Variants in GPC6 observed in about 807,000 individuals in gnomAD.
GPC6 encodes the protein glypican 6, also known as glypican-6.
In GPC6, 14 loss-of-function variants were observed where a neutral mutation model predicts 55.2. The observed-to-expected ratio is 0.25, with a 90% CI of 0.17 to 0.40. The LOEUF is 0.40. GPC6 is among the 10% of genes least tolerant of loss of function. GPC6 has a pLI of 1.00. For missense variants in GPC6, 641 were observed against 708.5 expected (o/e 0.90, Z 1.08); for synonymous variants, 278 against 259.6 (o/e 1.07, Z -0.68).
chr13:94,282,579 G>A (rs1408726269), intron 4 of GPC6, among the ~76,000 whole-genome samples: 5 of 152,162 alleles, frequency 3.3e-5, no homozygotes, highest in Non-Finnish European at 5.9e-5. Flanking sequence ...TCAACTAGTC[G>A]ATTCTTCTGC....
intron 3 of GPC6, among the ~76,000 whole-genome samples, chr13:93,876,868 G>A (rs1874622255): frequency 6.6e-6 from 1 of 152,040 alleles, no homozygotes; most frequent in Non-Finnish European, 1.5e-5. Context: ...TCCTGGGTAT[G>A]TTGCACAGGC....
intron 1 of GPC6, among the ~76,000 whole-genome samples, chr13:93,320,633 T>TTATA (rs557134151): frequency 4.1e-4 from 62 of 149,628 alleles, no homozygotes; most frequent in African/African-American, 1.4e-3. Context: ...AGTGTATATA[T>TTATA]TATATATATA....
chr13:94,081,863 C>T, intron 4 of GPC6, among the ~76,000 whole-genome samples: 1 of 97,898 alleles, frequency 1.0e-5, no homozygotes. Context: ...TTTTTTGAGA[C>T]ACAGTCCCCC....
chr13:93,781,713 A>G (rs1885658071), intron 2 of GPC6, among the ~76,000 whole-genome samples: 1 of 152,206 alleles, frequency 6.6e-6, no homozygotes, highest in African/African-American at 2.4e-5. Context: ...GTAGCACACA[A>G]AAGTCAGGGC....
intron 1 of GPC6, among the ~76,000 whole-genome samples, chr13:93,458,005 C>T (rs1263681522): frequency 6.6e-6 from 1 of 152,124 alleles, no homozygotes; most frequent in African/African-American, 2.4e-5. Context: ...ATGGAAGGTG[C>T]ATCTTTATGA....
chr13:93,562,195 C>G (rs943772935), intron 2 of GPC6, among the ~76,000 whole-genome samples: 1 of 151,876 alleles, frequency 6.6e-6, no homozygotes, highest in Non-Finnish European at 1.5e-5. Flanking sequence ...TATTTAGTGC[C>G]GTTACCAGAC....
intron 4 of GPC6, among the ~76,000 whole-genome samples, chr13:94,253,177 T>C (rs2139040321): frequency 6.6e-6 from 1 of 152,234 alleles, no homozygotes; most frequent in East Asian, 1.9e-4. Flanking sequence ...TATAATCTCT[T>C]CCACACTTAC....
At chr13:94,108,562 CA>C (rs1226718955) in intron 4 of GPC6, among the ~76,000 whole-genome samples, 2 of 152,080 alleles carry the variant, frequency 1.3e-5, no homozygotes, top group Non-Finnish European at 2.9e-5. Flanking sequence ...CATTAGGTAC[CA>C]GGTGCAGTGG....
chr13:94,338,751 G>C (rs950200526), intron 6 of GPC6, among the ~76,000 whole-genome samples: 1 of 152,170 alleles, frequency 6.6e-6, no homozygotes, highest in Non-Finnish European at 1.5e-5. Flanking sequence ...AATTTTAGAA[G>C]TCTGTAGTAA....
At chr13:93,902,458 G>C in intron 3 of GPC6, among the ~76,000 whole-genome samples, 1 of 152,134 alleles carries the variant, frequency 6.6e-6, no homozygotes, top group Middle Eastern at 3.4e-3. Context: ...TCATCCATTG[G>C]TGGACAGACA....
intron 1 of GPC6, among the ~76,000 whole-genome samples, chr13:93,339,321 A>G (rs1369745822): frequency 6.6e-6 from 1 of 151,438 alleles, no homozygotes; most frequent in Non-Finnish European, 1.5e-5. Flanking sequence ...ACCTCTCATG[A>G]TCATGGCTCT....
intron 2 of GPC6, among the ~76,000 whole-genome samples, chr13:93,676,038 A>G (rs1262366100): frequency 2.7e-5 from 4 of 150,416 alleles, no homozygotes; most frequent in Non-Finnish European, 5.9e-5. Flanking sequence ...TGGGAGGCCA[A>G]GGCAGGTGGA....
intron 2 of GPC6, among the ~76,000 whole-genome samples, chr13:93,593,644 G>A (rs1447922246): frequency 6.6e-6 from 1 of 151,966 alleles, no homozygotes; most frequent in Non-Finnish European, 1.5e-5. Context: ...ATTCTGCTAG[G>A]TAAAAATATC....
chr13:93,990,960 A>AAAGAAG (rs1881275974), intron 3 of GPC6, among the ~76,000 whole-genome samples: 1 of 150,310 alleles, frequency 6.7e-6, no homozygotes, highest in Non-Finnish European at 1.5e-5. Context: ...AAGGAAGGAA[A>AAAGAAG]GAAGGAAGGA....
chr13:93,952,611 ATATG>A (rs945224260), intron 3 of GPC6, among the ~76,000 whole-genome samples: 12 of 151,626 alleles, frequency 7.9e-5, no homozygotes, highest in African/African-American at 2.9e-4. Flanking sequence ...ATTTATGTAT[ATATG>A]TATGTATGTG....
chr13:93,487,163 C>G (rs1035518024), intron 1 of GPC6, among the ~76,000 whole-genome samples: 3 of 152,148 alleles, frequency 2.0e-5, no homozygotes, highest in East Asian at 3.9e-4. Flanking sequence ...CATAACATCA[C>G]AGTCCAAATA....
intron 4 of GPC6, among the ~76,000 whole-genome samples, chr13:94,097,699 A>C (rs1002684912): frequency 6.6e-6 from 1 of 152,152 alleles, no homozygotes; most frequent in African/African-American, 2.4e-5. Context: ...TTAAAGAGAA[A>C]TGCAACACAG....
intron 1 of GPC6, among the ~76,000 whole-genome samples, chr13:93,433,070 C>A (rs1191365307): frequency 6.6e-6 from 1 of 152,060 alleles, no homozygotes; most frequent in Non-Finnish European, 1.5e-5. Context: ...CTAAAAACTG[C>A]TATACTGAGA....
chr13:93,246,006 A>G (rs1395441965), intron 1 of GPC6, among the ~76,000 whole-genome samples: 2 of 152,110 alleles, frequency 1.3e-5, no homozygotes, highest in African/African-American at 4.8e-5. Context: ...TCTTACTAAT[A>G]TGGTATGCCT....
Sources: gnomAD v4.1 joint callset for allele counts (sites outside exome capture counted in the v4.1 genomes callset) on GRCh38, gnomAD v4.1.1 for gene constraint, MANE v1.5 for transcripts, NCBI Gene and HGNC (gene_info 2026-07-23, HGNC 2026-07-21) for gene names.